The following NDUFA10 variants were observed in gnomAD, a reference collection of about 807,000 sequenced individuals.
NDUFA10 encodes NADH dehydrogenase [ubiquinone] 1 alpha subcomplex subunit 10, mitochondrial.
Under a neutral mutation model 47.8 loss-of-function variants are expected in NDUFA10, and 40 were observed. That is an observed-to-expected ratio of 0.84 (90% CI 0.65 to 1.09). The LOEUF is 1.09. NDUFA10 is among the 50% of genes least tolerant of loss of function. NDUFA10 has a pLI of 0.00. For missense variants in NDUFA10, 413 were observed against 451.1 expected (o/e 0.92, Z 0.76); for synonymous variants, 183 against 172.2 (o/e 1.06, Z -0.49).
rs1034157991 is a variant in NDUFA10, at chr2:240,016,002, C to G, written c.548-1142G>C. 1.3e-5 allele frequency among the ~76,000 whole-genome samples: 2 copies of G among 152,054 alleles called. No individual in the cohort carries two copies. The highest frequency in any genetic ancestry group is 4.8e-5 in the African/African-American group (2 of 41,390). ...TGAAATCCCATGTCTACCAAAAATA[C>G]AAACATTAGCCAGTCTCCTAACCTA... On this transcript the variant is annotated intron_variant, in intron 4 of 9. Transcript: ENST00000252711. The surrounding 1 kb of genome is among the most constrained non-coding windows in gnomAD (Gnocchi z 4.4).
At chr2:239,898,573 G>C (rs12465761) in intron 4 of NDUFA10, among the ~76,000 whole-genome samples, 4,168 of 152,298 alleles carry the variant, frequency 0.027, 185 homozygotes, top group East Asian at 0.18. Context: ...GCACCAGCAG[G>C]GGCAGGCAAG....
At chr2:239,984,533 G>A (rs112580148) in intron 9 of NDUFA10, among the ~76,000 whole-genome samples, 13 of 152,258 alleles carry the variant, frequency 8.5e-5, no homozygotes, top group African/African-American at 2.9e-4. Context: ...TATTCTCTTA[G>A]ATTCTCTTTA....
At chr2:239,934,180 G>A (rs911748816) in intron 4 of NDUFA10, among the ~76,000 whole-genome samples, 5 of 152,130 alleles carry the variant, frequency 3.3e-5, no homozygotes, top group Admixed American at 3.3e-4. Flanking sequence ...TGCCTGGCCA[G>A]ATTTAAGTAA....
intron 9 of NDUFA10, among the ~76,000 whole-genome samples, chr2:239,977,816 C>A (rs1022678591): frequency 1.3e-5 from 2 of 152,194 alleles, no homozygotes; most frequent in African/African-American, 4.8e-5. Flanking sequence ...GGTCACTGGG[C>A]CTGGTCAACC....
chr2:239,910,721 A>C (rs890785776), intron 4 of NDUFA10, among the ~76,000 whole-genome samples: 2 of 151,614 alleles, frequency 1.3e-5, no homozygotes, highest in African/African-American at 4.8e-5. Context: ...ACTCAAAATG[A>C]AAGTGGAAGA....
chr2:239,963,756 C>A (rs1445859533), intron 9 of NDUFA10, among the ~76,000 whole-genome samples: 1 of 152,140 alleles, frequency 6.6e-6, no homozygotes, highest in African/African-American at 2.4e-5. Context: ...AGGGAGGCAG[C>A]GCCATGTGAG....
intron 4 of NDUFA10, among the ~76,000 whole-genome samples, chr2:239,927,884 G>T (rs192999740): frequency 6.6e-6 from 1 of 152,344 alleles, no homozygotes; most frequent in Middle Eastern, 3.4e-3. Context: ...GGCAAGGCTG[G>T]TGGGCCCATC....
intron 4 of NDUFA10, among the ~76,000 whole-genome samples, chr2:239,915,646 A>T (rs1265427981): frequency 3.3e-5 from 5 of 151,686 alleles, no homozygotes; most frequent in African/African-American, 1.2e-4. Context: ...ACAGACACAC[A>T]GAGACACACA....
intron 5 of NDUFA10, among the ~76,000 whole-genome samples, chr2:239,893,027 C>A (rs977686125): frequency 2.0e-5 from 3 of 152,108 alleles, no homozygotes; most frequent in African/African-American, 7.2e-5. Context: ...CCTTGGGGAG[C>A]CGGGACCCTC....
At chr2:239,984,024 G>A (rs1695901379) in intron 9 of NDUFA10, among the ~76,000 whole-genome samples, 1 of 152,140 alleles carries the variant, frequency 6.6e-6, no homozygotes, top group African/African-American at 2.4e-5. Context: ...CTTGAGGTCA[G>A]GAGTTTGAGA....
chr2:239,943,644 G>A (rs911959579), intron 4 of NDUFA10, among the ~76,000 whole-genome samples: 10 of 152,146 alleles, frequency 6.6e-5, no homozygotes, highest in Admixed American at 5.2e-4. Context: ...TTTTTTTAAT[G>A]TCCATGAGCA....
chr2:240,017,618 G>C (rs2106493713), intron 4 of NDUFA10, among the ~76,000 whole-genome samples: 1 of 152,286 alleles, frequency 6.6e-6, no homozygotes, highest in Admixed American at 6.5e-5. Flanking sequence ...ACCTAAGAGA[G>C]CCTGCCACAC....
At chr2:239,914,418 CAGACACACACAG>C (rs1445550399) in intron 4 of NDUFA10, among the ~76,000 whole-genome samples, 4 of 138,536 alleles carry the variant, frequency 2.9e-5, no homozygotes, top group African/African-American at 1.2e-4. Context: ...CACAAATATA[CAGACACACACAG>C]AGACACACAG....
intron 8 of NDUFA10, among the ~76,000 whole-genome samples, chr2:239,996,122 C>A (rs904243190): frequency 1.3e-5 from 2 of 152,160 alleles, no homozygotes; most frequent in Admixed American, 1.3e-4. Flanking sequence ...ATGACCCCAA[C>A]TCTGAGTAAC....
At position 239,960,789 on chromosome 2, in the gene NDUFA10, A is replaced by G. The variant is rs1694823304; in HGVS notation, c.*329T>C. On this transcript the variant is annotated 3_prime_UTR_variant, in exon 10 of 10. Coordinates refer to ENST00000252711, the MANE Select transcript of NDUFA10 (RefSeq NM_004544.4). ...GGAAGTCAGAAGAAAAACAATGTGC[A>G]CAACCTGAATGACACAGAGCGGCAG... The G allele has an allele frequency of 8.0e-7, 1 of 1,252,636 alleles. No homozygotes were observed. The highest frequency in any genetic ancestry group is 1.0e-6 in the Non-Finnish European group (1 of 983,718). The allele number at this position is 1,252,636 out of a possible 1,614,324, so 77.6% of individuals were successfully genotyped here.
chr2:239,910,836 C>A (rs921427076), intron 4 of NDUFA10, among the ~76,000 whole-genome samples: 7 of 150,920 alleles, frequency 4.6e-5, no homozygotes, highest in Non-Finnish European at 1.0e-4. Context: ...ACCTTGCCCA[C>A]CATGGCAGGA....
At chr2:239,921,780 T>A (rs1693988783) in intron 4 of NDUFA10, among the ~76,000 whole-genome samples, 1 of 152,102 alleles carries the variant, frequency 6.6e-6, no homozygotes, top group African/African-American at 2.4e-5. Flanking sequence ...TCCCTCTGGG[T>A]GAGGCCTCAC....
chr2:239,945,369 A>C lies in NDUFA10; in HGVS notation c.294+44705T>G, dbSNP rs1694431563. On this transcript the variant is annotated intron_variant, in intron 4 of 5. Coordinates refer to the NDUFA10 transcript ENST00000419408. The surrounding 1 kb of genome is among the most constrained non-coding windows in gnomAD (Gnocchi z 4.6). ...ACGCTGCTGCTGAGTGGAGACAGGA[A>C]ATCAGAGCCTCCTTGCTACCCAGAC... is the stretch of plus-strand genomic sequence containing the variant. Among the ~76,000 whole-genome samples the C allele has an allele frequency of 1.3e-5, 2 of 152,174 alleles. No homozygotes were observed. Among genetic ancestry groups the C allele is most frequent in the African/African-American group, 4.8e-5 (2 of 41,438 alleles).
chr2:239,938,304 G>T (rs932014542), intron 4 of NDUFA10, among the ~76,000 whole-genome samples: 1 of 152,180 alleles, frequency 6.6e-6, no homozygotes, highest in Non-Finnish European at 1.5e-5. Context: ...TGTCCAGGCT[G>T]GCCGTCCCAC....
Sources: allele counts gnomAD v4.1 joint callset (sites outside exome capture counted in the v4.1 genomes callset), GRCh38; gene constraint gnomAD v4.1.1; non-coding constraint Gnocchi (gnomAD v3.1); transcripts MANE v1.5; gene names NCBI Gene and HGNC (gene_info 2026-07-23, HGNC 2026-07-21).